CEP112: variants seen among roughly 807,000 people sequenced by gnomAD.
CEP112 encodes the protein centrosomal protein of 112 kDa.
CEP112 carries 127 observed loss-of-function variants against 153.0 expected under a neutral mutation model. The observed-to-expected ratio is 0.83, with a 90% confidence interval of 0.72 to 0.96. CEP112 has a LOEUF of 0.96. CEP112 is among the 40% of genes least tolerant of loss of function. The pLI is 0.00. For synonymous variants in CEP112, 358 were observed against 374.4 expected (o/e 0.96, Z 0.51); for missense variants, 1,089 against 1,101.2 (o/e 0.99, Z 0.16).
intron 4 of CEP112, among the ~76,000 whole-genome samples, chr17:66,162,716 A>C (rs1825034809): frequency 6.6e-6 from 1 of 152,192 alleles, no homozygotes; most frequent in Admixed American, 6.5e-5. Flanking sequence ...ATGGTAACAT[A>C]ATACAGAATA....
chr17:65,894,696 C>T (rs971143878), intron 20 of CEP112, among the ~76,000 whole-genome samples: 5 of 152,120 alleles, frequency 3.3e-5, no homozygotes, highest in African/African-American at 1.2e-4. Context: ...ACTGGTAGGC[C>T]TCATTGACCT....
At chr17:65,792,886 A>G (rs1018504749) in intron 21 of CEP112, among the ~76,000 whole-genome samples, 1 of 152,244 alleles carries the variant, frequency 6.6e-6, no homozygotes, top group Non-Finnish European at 1.5e-5. Context: ...ACCAAAGATT[A>G]TATAACTTCC....
At chr17:66,160,605 T>TTTAA (rs2071658264) in intron 4 of CEP112, among the ~76,000 whole-genome samples, 3 of 151,170 alleles carry the variant, frequency 2.0e-5, no homozygotes, top group Non-Finnish European at 3.0e-5. Context: ...GGATTTCCTA[T>TTTAA]TAAATGGTGT....
chr17:65,827,081 C>T (rs2056870829), intron 21 of CEP112, among the ~76,000 whole-genome samples: 2 of 152,232 alleles, frequency 1.3e-5, no homozygotes, highest in South Asian at 2.1e-4. Context: ...TGCCCTTGAA[C>T]ATCAGACTCC....
At chr17:65,873,113 G>C (rs1598843517) in intron 20 of CEP112, 1 of 152,192 alleles carries the variant, frequency 6.6e-6, no homozygotes, top group Admixed American at 6.5e-5. Flanking sequence ...CCACTCATTG[G>C]ATCATTCCCT....
In CEP112 at chr17:65,635,736, T is replaced by C; in HGVS notation, c.*235A>G. On this transcript the variant is annotated 3_prime_UTR_variant, in exon 27 of 27. Coordinates refer to ENST00000535342, the MANE Select transcript of CEP112 (RefSeq NM_001199165.4). Reference sequence around the variant, plus strand: ...AAGCAGTTCTCAGCACATACTCAAATGCACACAAACATGAAAATCGGAAAT... The same window carrying C: ...AAGCAGTTCTCAGCACATACTCAAACGCACACAAACATGAAAATCGGAAAT... 7.1e-6 allele frequency: 4 copies of C among 566,120 alleles called. No individual in the cohort carries two copies. Among genetic ancestry groups the C allele is most frequent in the East Asian group, 2.9e-5 (1 of 34,706 alleles). The allele number at this position is 566,120 out of a possible 1,614,324, so 35.1% of individuals were successfully genotyped here.
intron 4 of CEP112, among the ~76,000 whole-genome samples, chr17:66,148,331 G>C (rs993187098): frequency 6.6e-6 from 1 of 152,116 alleles, no homozygotes; most frequent in African/African-American, 2.4e-5. Context: ...ATAATTCAAG[G>C]TAAGATTTGG....
intron 6 of CEP112, among the ~76,000 whole-genome samples, chr17:66,115,863 C>T (rs1359854123): frequency 6.6e-6 from 1 of 152,178 alleles, no homozygotes; most frequent in African/African-American, 2.4e-5. Context: ...ACAGCAGGGC[C>T]TAGACTGAAC....
intron 2 of CEP112, among the ~76,000 whole-genome samples, chr17:66,178,821 T>C (rs1174745072): frequency 6.6e-6 from 1 of 152,112 alleles, no homozygotes; most frequent in Non-Finnish European, 1.5e-5. Flanking sequence ...TAAAAATGTT[T>C]GCATTTTTGC....
chr17:65,853,432 GC>G (rs1469729295), intron 20 of CEP112, among the ~76,000 whole-genome samples: 4 of 152,176 alleles, frequency 2.6e-5, no homozygotes. Context: ...GATTACATCT[GC>G]AAAAATTCTA....
rs546105643 is a variant in CEP112 at position 66,024,674 on chromosome 17, A to C, written c.1656+2827T>G. On this transcript the variant is annotated intron_variant, in intron 16 of 26. Coordinates refer to ENST00000535342, the MANE Select transcript of CEP112 (RefSeq NM_001199165.4). ...ACACAAACAAATGGAAAAACATCTCATGCTCACGGATTAGAATAATTAATA... is the reference window on the plus strand; with the variant it reads ...ACACAAACAAATGGAAAAACATCTCCTGCTCACGGATTAGAATAATTAATA... Among the ~76,000 whole-genome samples the C allele has an allele frequency of 7.9e-4, 120 of 152,296 alleles. 1 individual carries two copies. The highest frequency in any genetic ancestry group is 2.8e-3 in the African/African-American group (116 of 41,578).
chr17:66,011,329 A>T (rs534207165), intron 16 of CEP112, among the ~76,000 whole-genome samples: 3 of 152,202 alleles, frequency 2.0e-5, no homozygotes, highest in Admixed American at 1.3e-4. Context: ...GGTTAACTTG[A>T]GATCTTTCTA....
At chr17:65,742,851 G>A (rs771465472) in intron 23 of CEP112, among the ~76,000 whole-genome samples, 18 of 152,180 alleles carry the variant, frequency 1.2e-4, no homozygotes, top group Non-Finnish European at 2.2e-4. Context: ...GATTGGGCTT[G>A]CCAAAAATGA....
intron 12 of CEP112, among the ~76,000 whole-genome samples, chr17:66,034,922 C>T (rs2065648973): frequency 6.8e-6 from 1 of 147,192 alleles, no homozygotes; most frequent in African/African-American, 2.5e-5. Context: ...CTTCAGTCTC[C>T]CAAGTAGCTG....
At chr17:65,650,839 C>T (rs112754097) in intron 24 of CEP112, among the ~76,000 whole-genome samples, 19,682 of 151,190 alleles carry the variant, frequency 0.13, 1,678 homozygotes, top group East Asian at 0.46. Flanking sequence ...ACCCAGGAGG[C>T]GGAGGTTGCA....
intron 20 of CEP112, among the ~76,000 whole-genome samples, 153 bp downstream of exon 20, chr17:65,901,999 T>TGGGGG (rs1568196541): frequency 7.4e-5 from 1 of 13,456 alleles, no homozygotes; most frequent in Non-Finnish European, 1.3e-4. Flanking sequence ...GGGGGGGGGG[T>TGGGGG]GGGGGGGAGA....
intron 8 of CEP112, among the ~76,000 whole-genome samples, chr17:66,071,782 G>C (rs1372195073): frequency 1.3e-5 from 2 of 152,032 alleles, no homozygotes; most frequent in Non-Finnish European, 2.9e-5. Context: ...CCAGTATATA[G>C]AAAAAAGTAG....
intron 1 of CEP112, among the ~76,000 whole-genome samples, chr17:66,187,038 C>G (rs914429795): frequency 3.3e-5 from 5 of 152,180 alleles, no homozygotes; most frequent in Admixed American, 2.6e-4. Context: ...GTAAAATTTT[C>G]CATCTCCACT....
intron 21 of CEP112, among the ~76,000 whole-genome samples, chr17:65,843,335 CATA>C (rs945307039): frequency 3.4e-4 from 51 of 151,998 alleles, no homozygotes; most frequent in African/African-American, 1.2e-3. Context: ...ATTTGTGGAA[CATA>C]ATAAAAAATA....
Sources: gnomAD v4.1 joint callset for allele counts (sites outside exome capture counted in the v4.1 genomes callset) on GRCh38, gnomAD v4.1.1 for gene constraint, MANE v1.5 for transcripts, NCBI Gene and HGNC (gene_info 2026-07-23, HGNC 2026-07-21) for gene names.